Variants in ADAMTSL1 observed in about 807,000 individuals in gnomAD.
The protein encoded by ADAMTSL1 is ADAMTS-like protein 1.
In ADAMTSL1, 126 loss-of-function variants were observed where a neutral mutation model predicts 201.8. That is an observed-to-expected ratio of 0.62 (90% CI 0.54 to 0.72). The LOEUF is 0.72. Among genes scored for constraint, ADAMTSL1 ranks in the 30% least tolerant of loss-of-function variants. ADAMTSL1 has a pLI of 0.00. For synonymous variants in ADAMTSL1, 1,121 were observed against 903.4 expected (o/e 1.24, Z -4.32); for missense variants, 2,679 against 2,277.8 (o/e 1.18, Z -3.59).
chr9:18,743,422 A>G (rs1231785017), intron 15 of ADAMTSL1, among the ~76,000 whole-genome samples: 1 of 152,260 alleles, frequency 6.6e-6, no homozygotes, highest in East Asian at 1.9e-4. Context: ...ATTAATTTAC[A>G]AAATAGCAAA....
At chr9:18,908,097 G>C (rs1014456230) in intron 28 of ADAMTSL1, 3 of 314,872 alleles carry the variant, frequency 9.5e-6, no homozygotes, top group South Asian at 3.0e-5. Context: ...GTTTGCCTAG[G>C]GGGAGAGGTG....
At chr9:18,207,835 T>G (rs1829717527) in intron 2 of ADAMTSL1, among the ~76,000 whole-genome samples, 1 of 152,014 alleles carries the variant, frequency 6.6e-6, no homozygotes, top group South Asian at 2.1e-4. Context: ...GATAAATAAT[T>G]ATTGCACAAT....
chr9:18,229,144 A>T (rs1387313586), intron 2 of ADAMTSL1, among the ~76,000 whole-genome samples: 1 of 152,170 alleles, frequency 6.6e-6, no homozygotes, highest in Non-Finnish European at 1.5e-5. Context: ...AATTAGTCCC[A>T]GTATTATTTT....
intron 2 of ADAMTSL1, among the ~76,000 whole-genome samples, chr9:18,342,946 A>G (rs796733746): frequency 4.6e-5 from 7 of 152,252 alleles, no homozygotes; most frequent in African/African-American, 1.4e-4. Context: ...ATGACAAGAT[A>G]CACTTCAGTT....
At position 18,135,493 on chromosome 9, in the gene ADAMTSL1, A is replaced by G. The variant is rs1826120720; in HGVS notation, c.88-28369A>G. ...GGACAGTTACCACATCCAGTTGTTTAACACATCAGAAATGTAGGACTGCCA... is the reference window on the plus strand; with the variant it reads ...GGACAGTTACCACATCCAGTTGTTTGACACATCAGAAATGTAGGACTGCCA... On this transcript the variant is annotated intron_variant, in intron 1 of 29. Transcript: ENST00000680146. 4.6e-5 allele frequency among the ~76,000 whole-genome samples: 7 copies of G among 152,248 alleles called. No individual in the cohort carries two copies. In the South Asian group the frequency reaches 1.5e-3, roughly 32 times the overall value.
chr9:18,145,091 G>C (rs774550145), intron 1 of ADAMTSL1, among the ~76,000 whole-genome samples: 2 of 152,056 alleles, frequency 1.3e-5, no homozygotes, highest in Non-Finnish European at 2.9e-5. Flanking sequence ...ATGTTATTTA[G>C]GTATAACCTG....
chr9:18,252,147 G>C (rs1307025194), intron 2 of ADAMTSL1, among the ~76,000 whole-genome samples: 1 of 152,088 alleles, frequency 6.6e-6, no homozygotes, highest in Admixed American at 6.5e-5. Context: ...AAAAGTTTAG[G>C]AGAAAAGTTG....
intron 2 of ADAMTSL1, among the ~76,000 whole-genome samples, chr9:18,171,966 T>C (rs1350564331): frequency 6.6e-6 from 1 of 151,964 alleles, no homozygotes; most frequent in Non-Finnish European, 1.5e-5. Context: ...TTTTTTCACG[T>C]TTGCCAAAGA....
chr9:18,100,929 G>A (rs1294714304), intron 1 of ADAMTSL1, among the ~76,000 whole-genome samples: 3 of 152,112 alleles, frequency 2.0e-5, no homozygotes, highest in Non-Finnish European at 2.9e-5. Context: ...TTGCACTGCC[G>A]TGTCCCATAC....
upstream of ADAMTSL1, among the ~76,000 whole-genome samples, chr9:18,471,862 TC>T (rs768148954): frequency 6.6e-6 from 1 of 152,222 alleles, no homozygotes; most frequent in African/African-American, 2.4e-5. Flanking sequence ...AATTTCTGAC[TC>T]AAAATACCTA....
chr9:18,524,255 G>A (rs975312636), intron 2 of ADAMTSL1, among the ~76,000 whole-genome samples: 2 of 152,184 alleles, frequency 1.3e-5, no homozygotes, highest in Non-Finnish European at 2.9e-5. Flanking sequence ...TGTTATTGGT[G>A]TATAAGAATG....
chr9:18,404,314 C>T (rs1235015150), intron 2 of ADAMTSL1, among the ~76,000 whole-genome samples: 1 of 152,186 alleles, frequency 6.6e-6, no homozygotes. Context: ...TCATGATGTA[C>T]TACCAAACAA....
At chr9:18,842,690 C>G (rs1025567576) in intron 23 of ADAMTSL1, among the ~76,000 whole-genome samples, 26 of 152,098 alleles carry the variant, frequency 1.7e-4, no homozygotes, top group African/African-American at 6.0e-4. Flanking sequence ...GTAGGTAACT[C>G]AGGACTTGCT....
At chr9:18,822,482 G>A (rs1338043985) in intron 21 of ADAMTSL1, among the ~76,000 whole-genome samples, 2 of 152,144 alleles carry the variant, frequency 1.3e-5, no homozygotes, top group Admixed American at 6.5e-5. Flanking sequence ...AATGGCAGGC[G>A]GTGTACACTT....
intron 23 of ADAMTSL1, 25 bp downstream of exon 23, chr9:18,830,002 G>T: frequency 6.3e-7 from 1 of 1,587,274 alleles, no homozygotes; most frequent in African/African-American, 1.3e-5. Flanking sequence ...CGGAAACATT[G>T]GGCAGAAAGC....
intron 3 of ADAMTSL1, among the ~76,000 whole-genome samples, chr9:18,565,756 T>C (rs1007445972): frequency 1.3e-5 from 2 of 152,214 alleles, no homozygotes; most frequent in African/African-American, 4.8e-5. Flanking sequence ...CCACGCAGAC[T>C]GTCTAGACAG....
intron 23 of ADAMTSL1, among the ~76,000 whole-genome samples, chr9:18,874,868 A>G (rs1011491723): frequency 6.6e-6 from 1 of 152,042 alleles, no homozygotes; most frequent in African/African-American, 2.4e-5. Context: ...AATGTCTGAT[A>G]CAATTCAGCT....
At chr9:18,888,990 C>G (rs1042404142) in intron 24 of ADAMTSL1, among the ~76,000 whole-genome samples, 4 of 152,192 alleles carry the variant, frequency 2.6e-5, no homozygotes, top group African/African-American at 9.7e-5. Flanking sequence ...CAAATAAGCA[C>G]TCAAAATTTA....
intron 23 of ADAMTSL1, among the ~76,000 whole-genome samples, chr9:18,882,562 G>T (rs2131514263): frequency 6.6e-6 from 1 of 152,244 alleles, no homozygotes; most frequent in East Asian, 1.9e-4. Flanking sequence ...CCAGTGGACT[G>T]ACTTCTCTCC....
Sources: gnomAD v4.1 joint callset for allele counts (sites outside exome capture counted in the v4.1 genomes callset) on GRCh38, gnomAD v4.1.1 for gene constraint, MANE v1.5 for transcripts, NCBI Gene and HGNC (gene_info 2026-07-23, HGNC 2026-07-21) for gene names.